NCKAP5: variants seen among roughly 807,000 people sequenced by gnomAD.
NCKAP5 encodes NCK associated protein 5, also known as nck-associated protein 5.
A neutral mutation model predicts 167.0 loss-of-function variants in NCKAP5; 92 were observed. The observed-to-expected ratio is 0.55, with a 90% confidence interval of 0.47 to 0.66. The LOEUF (loss-of-function observed/expected upper bound fraction) is 0.66. Among genes scored for constraint, NCKAP5 ranks in the 30% least tolerant of loss-of-function variants. NCKAP5 has a pLI of 0.00. For missense variants in NCKAP5, 2,378 were observed against 2,315.0 expected (o/e 1.03, Z -0.56); for synonymous variants, 891 against 877.4 (o/e 1.02, Z -0.27).
chr2:133,463,022 C>T (rs898772174), intron 3 of NCKAP5, among the ~76,000 whole-genome samples: 6 of 152,158 alleles, frequency 3.9e-5, no homozygotes, highest in African/African-American at 1.4e-4. Flanking sequence ...AGCGATTAGT[C>T]GCTAATATCA....
In NCKAP5 at chr2:133,456,114, C is replaced by A. The variant is rs1168604335; in HGVS notation, c.69+61344G>T. On this transcript the variant is annotated intron_variant, in intron 3 of 19. Coordinates refer to ENST00000409261, the MANE Select transcript of NCKAP5 (RefSeq NM_207363.3). ...TATGATCTCAAGGAATAACCCACAA[C>A]AAGCATAAATTAAGGATGGGACCTG... 2.0e-5 allele frequency among the ~76,000 whole-genome samples: 3 copies of A among 152,152 alleles called. No individual in the cohort carries two copies. The East Asian group carries it at 5.8e-4, about 29-fold the overall frequency.
At chr2:132,964,857 T>A (rs544820517) in intron 7 of NCKAP5, among the ~76,000 whole-genome samples, 1 of 151,688 alleles carries the variant, frequency 6.6e-6, no homozygotes, top group South Asian at 2.1e-4. Flanking sequence ...AAGGAGCTCA[T>A]ACAATCTACT....
chr2:132,982,804 A>G (rs970160922), intron 7 of NCKAP5, among the ~76,000 whole-genome samples: 1 of 152,156 alleles, frequency 6.6e-6, no homozygotes, highest in Admixed American at 6.5e-5. Flanking sequence ...ATGTAGGATA[A>G]TGGCTTCCAA....
intron 6 of NCKAP5, among the ~76,000 whole-genome samples, chr2:133,077,711 T>G (rs59801586): frequency 0.029 from 4,420 of 152,292 alleles, 205 homozygotes; most frequent in African/African-American, 0.1. Context: ...TAGGCTTTTC[T>G]GATAACCAGC....
intron 6 of NCKAP5, among the ~76,000 whole-genome samples, chr2:133,068,988 T>A (rs2080293893): frequency 6.6e-6 from 1 of 152,226 alleles, no homozygotes; most frequent in African/African-American, 2.4e-5. Context: ...AATTTATGAT[T>A]CTGGATTATA....
At chr2:133,577,677 C>G in the NCKAP5 span, among the ~76,000 whole-genome samples, 1 of 152,086 alleles carries the variant, frequency 6.6e-6, no homozygotes, top group Non-Finnish European at 1.5e-5. Flanking sequence ...CTTCCCCCAC[C>G]CCACAACAGT....
At chr2:132,736,817 C>CA (rs376329224) in intron 16 of NCKAP5, among the ~76,000 whole-genome samples, 17 of 151,808 alleles carry the variant, frequency 1.1e-4, no homozygotes, top group African/African-American at 2.9e-4. Flanking sequence ...AAATGAAAAA[C>CA]AAAAAAAACC....
intron 6 of NCKAP5, among the ~76,000 whole-genome samples, chr2:133,113,778 G>A (rs973568112): frequency 2.0e-5 from 3 of 152,216 alleles, no homozygotes; most frequent in African/African-American, 7.2e-5. Context: ...AGACATGACA[G>A]CTAGGGTGTA....
intron 19 of NCKAP5, among the ~76,000 whole-genome samples, chr2:132,681,279 T>C (rs1453734129): frequency 6.6e-6 from 1 of 152,078 alleles, no homozygotes; most frequent in African/African-American, 2.4e-5. Context: ...CTGCTTTTCA[T>C]TTATGTATAC....
chr2:132,942,969 T>C (rs1204757178), intron 8 of NCKAP5, among the ~76,000 whole-genome samples: 3 of 152,254 alleles, frequency 2.0e-5, no homozygotes, highest in South Asian at 2.1e-4. Context: ...ATTAAAATGA[T>C]AGAATAATTC....
At chr2:132,960,951 G>T (rs1249059445) in intron 8 of NCKAP5, among the ~76,000 whole-genome samples, 2 of 152,178 alleles carry the variant, frequency 1.3e-5, no homozygotes. Flanking sequence ...CTGATGGGGT[G>T]CTGGTGGTAT....
chr2:133,395,880 A>C (rs1334350309), intron 3 of NCKAP5, among the ~76,000 whole-genome samples: 1 of 152,106 alleles, frequency 6.6e-6, no homozygotes, highest in Non-Finnish European at 1.5e-5. Context: ...TCCTGGCTTC[A>C]AGCAATTCTC....
chr2:132,864,031 G>A (rs1390235648), intron 10 of NCKAP5, among the ~76,000 whole-genome samples: 2 of 152,282 alleles, frequency 1.3e-5, no homozygotes, highest in African/African-American at 4.8e-5. Context: ...CATTTAGGCT[G>A]GATGCAAGAG....
chr2:133,531,544 A>C (rs765515627), intron 2 of NCKAP5, among the ~76,000 whole-genome samples: 5 of 152,090 alleles, frequency 3.3e-5, no homozygotes, highest in Non-Finnish European at 5.9e-5. Context: ...GAAAATTGCA[A>C]CGTTTTTGGC....
At chr2:132,836,901 T>C (rs1244453451) in intron 11 of NCKAP5, among the ~76,000 whole-genome samples, 1 of 152,212 alleles carries the variant, frequency 6.6e-6, no homozygotes, top group African/African-American at 2.4e-5. Context: ...TTAGGCCAAA[T>C]ACGTCTTCCC....
intron 3 of NCKAP5, among the ~76,000 whole-genome samples, chr2:133,386,164 G>C (rs576549955): frequency 6.6e-6 from 1 of 151,904 alleles, no homozygotes; most frequent in Non-Finnish European, 1.5e-5. Flanking sequence ...AGATCTTTCC[G>C]GCTTTCTCTT....
intron 5 of NCKAP5, among the ~76,000 whole-genome samples, chr2:133,153,630 T>A (rs1574202780): frequency 6.6e-6 from 1 of 151,994 alleles, no homozygotes; most frequent in Admixed American, 6.6e-5. Flanking sequence ...GCATACAACA[T>A]AAAGCCCTCA....
At chr2:133,247,005 A>C (rs2088034039) in intron 4 of NCKAP5, among the ~76,000 whole-genome samples, 3 of 152,208 alleles carry the variant, frequency 2.0e-5, no homozygotes, top group Admixed American at 2.0e-4. Flanking sequence ...ACCATTTCCT[A>C]AATCCAATTC....
At chr2:133,057,027 T>C (rs941481485) in intron 6 of NCKAP5, among the ~76,000 whole-genome samples, 1 of 152,210 alleles carries the variant, frequency 6.6e-6, no homozygotes, top group Non-Finnish European at 1.5e-5. Flanking sequence ...AACTTTTTCA[T>C]TTTTAGTACA....
Sources: gnomAD v4.1 joint callset for allele counts (sites outside exome capture counted in the v4.1 genomes callset) on GRCh38, gnomAD v4.1.1 for gene constraint, MANE v1.5 for transcripts, NCBI Gene and HGNC (gene_info 2026-07-23, HGNC 2026-07-21) for gene names.